Variants in IL1RAPL1 observed in about 807,000 individuals in gnomAD.
The protein encoded by IL1RAPL1 is interleukin-1 receptor accessory protein-like 1.
A neutral mutation model predicts 48.4 loss-of-function variants in IL1RAPL1; 3 were observed. The ratio of observed to expected loss-of-function variants is 0.06; its 90% CI spans 0.03 to 0.16. The LOEUF (loss-of-function observed/expected upper bound fraction) is 0.16, where lower values mean the gene tolerates loss of function less well. Among genes scored for constraint, IL1RAPL1 ranks in the 10% least tolerant of loss-of-function variants. The pLI, the probability that IL1RAPL1 is intolerant of heterozygous loss-of-function variation, is 1.00. For missense variants in IL1RAPL1, 349 were observed against 530.6 expected, an observed-to-expected ratio of 0.66 and a Z score of 3.36; for synonymous variants, 185 against 187.7, an observed-to-expected ratio of 0.99 and a Z score of 0.12.
At chrX:29,803,423 GTA>G (rs1269448933) in intron 6 of IL1RAPL1, among the ~76,000 whole-genome samples, 32 of 91,141 alleles carry the variant, frequency 3.5e-4, no homozygotes, top group African/African-American at 1.2e-3. Context: ...GTGTATATGT[GTA>G]TATATGTATA....
At chrX:29,405,594 C>T (rs1266224577) in intron 5 of IL1RAPL1, among the ~76,000 whole-genome samples, 3 of 105,605 alleles carry the variant, frequency 2.8e-5, no homozygotes, top group Non-Finnish European at 3.8e-5. Flanking sequence ...TCTCGATCTC[C>T]TGACCTCGTG....
In IL1RAPL1 at chrX:28,762,786, G is replaced by GCACACA. The variant is rs759005946; in HGVS notation, c.-24-26501_-24-26496dup. ...TATAAAATCTAATACGCACGCGCGC[G>GCACACA]CACACACACACACACACACACACAC... On this transcript the variant is annotated intron_variant, in intron 1 of 10. Transcript: ENST00000378993. Among the ~76,000 whole-genome samples the GCACACA allele has an allele frequency of 7.7e-3, 484 of 62,854 alleles. 3 individuals are homozygous for GCACACA. The highest frequency in any genetic ancestry group is 0.025 in the African/African-American group (392 of 15,749). The allele number at this position is 62,854 out of a possible 115,157, so 54.6% of individuals were successfully genotyped here. A position where few individuals can be genotyped will look rare whatever the true frequency, so the allele number is the denominator to read the frequency against.
At chrX:28,859,795 A>G (rs1168208971) in intron 2 of IL1RAPL1, among the ~76,000 whole-genome samples, 1 of 108,769 alleles carries the variant, frequency 9.2e-6, no homozygotes, top group Admixed American at 1.0e-4. Context: ...ATTTATTACT[A>G]TTATTGTATA....
chrX:29,363,956 A>G (rs1308132186), intron 3 of IL1RAPL1, among the ~76,000 whole-genome samples: 1 of 111,919 alleles, frequency 8.9e-6, no homozygotes, highest in Admixed American at 9.5e-5. Context: ...TTGAAATAAA[A>G]AGAAATGTCT....
intron 6 of IL1RAPL1, among the ~76,000 whole-genome samples, chrX:29,791,967 G>A (rs1340138348): frequency 9.1e-6 from 1 of 110,024 alleles, no homozygotes; most frequent in Non-Finnish European, 1.9e-5. Context: ...CCTGGCTCAA[G>A]TGATTTGCCC....
At chrX:29,801,801 A>G (rs911329292) in intron 6 of IL1RAPL1, among the ~76,000 whole-genome samples, 2 of 111,444 alleles carry the variant, frequency 1.8e-5, no homozygotes, top group African/African-American at 6.5e-5. Flanking sequence ...GTGTTCCTCA[A>G]AGGTTTTGGA....
intron 5 of IL1RAPL1, among the ~76,000 whole-genome samples, chrX:29,526,450 G>A (rs1002926037): frequency 4.5e-5 from 5 of 111,556 alleles, no homozygotes; most frequent in African/African-American, 1.6e-4. Context: ...ATAAGAACTA[G>A]AAAAGAAGAA....
intron 5 of IL1RAPL1, among the ~76,000 whole-genome samples, chrX:29,546,384 A>C (rs1478518175): frequency 1.8e-5 from 2 of 111,573 alleles, no homozygotes; most frequent in African/African-American, 6.5e-5. Flanking sequence ...TGTCTTTATC[A>C]ATAAATATTT....
At chrX:29,241,837 A>AT (rs762625929) in intron 2 of IL1RAPL1, among the ~76,000 whole-genome samples, 14 of 111,097 alleles carry the variant, frequency 1.3e-4, no homozygotes, top group Non-Finnish European at 2.6e-4. Flanking sequence ...TCTATATAAC[A>AT]TTTTTTTTCC....
At chrX:29,537,242 A>G (rs1921263235) in intron 5 of IL1RAPL1, among the ~76,000 whole-genome samples, 1 of 110,830 alleles carries the variant, frequency 9.0e-6, no homozygotes, top group Non-Finnish European at 1.9e-5. Flanking sequence ...CTTTCATGGC[A>G]CCCTTTCTTA....
At chrX:29,793,313 T>G (rs1294545293) in intron 6 of IL1RAPL1, among the ~76,000 whole-genome samples, 1 of 112,371 alleles carries the variant, frequency 8.9e-6, no homozygotes, top group Non-Finnish European at 1.9e-5. Context: ...TGATTTTCTT[T>G]GTTATATTTC....
rs1171882981 is a variant in IL1RAPL1, at chrX:29,865,636, C to CTTTT, written c.779-51811_779-51808dup. Among the ~76,000 whole-genome samples the CTTTT allele has an allele frequency of 3.4e-3, 262 of 76,306 alleles. 2 individuals are homozygous for CTTTT. Among genetic ancestry groups the CTTTT allele is most frequent in the African/African-American group, 0.011 (210 of 18,361 alleles). 66.3% of individuals were successfully genotyped at this position (76,306 alleles called of 115,157 possible). A position where few individuals can be genotyped will look rare whatever the true frequency, so the allele number is the denominator to read the frequency against. ...ATGTGCTGTTTTTTTCTTTTCTTTT[C>CTTTT]TTTTTTTTTTTTTTTTTTTTGACAG... On this transcript the variant is annotated intron_variant, in intron 6 of 10. Transcript: ENST00000378993.
intron 2 of IL1RAPL1, among the ~76,000 whole-genome samples, chrX:28,842,294 A>G (rs896713741): frequency 1.8e-5 from 2 of 110,915 alleles, no homozygotes; most frequent in Non-Finnish European, 3.8e-5. Flanking sequence ...AAAAAAAAAT[A>G]GTTTTAAAAT....
chrX:29,546,777 A>G (rs777492386), intron 5 of IL1RAPL1, among the ~76,000 whole-genome samples: 127 of 112,141 alleles, frequency 1.1e-3, no homozygotes, highest in African/African-American at 3.9e-3. Flanking sequence ...TTCCATTTCC[A>G]TGAGCCTGAG....
At chrX:29,199,439 G>A (rs201663263) in intron 2 of IL1RAPL1, among the ~76,000 whole-genome samples, 92 of 111,153 alleles carry the variant, frequency 8.3e-4, no homozygotes, top group East Asian at 5.3e-3. Context: ...AAATAATAAA[G>A]TATACTGTAG....
chrX:29,260,457 G>T (rs755877834), intron 2 of IL1RAPL1, among the ~76,000 whole-genome samples: 7 of 112,058 alleles, frequency 6.2e-5, no homozygotes, highest in African/African-American at 2.3e-4. Context: ...AGCTTGTGCT[G>T]GGAAACGCCC....
chrX:29,771,329 G>A (rs1185185058), intron 6 of IL1RAPL1, among the ~76,000 whole-genome samples: 1 of 112,070 alleles, frequency 8.9e-6, no homozygotes, highest in Non-Finnish European at 1.9e-5. Context: ...AGTGAATGAT[G>A]TTTTCTTAAA....
chrX:29,798,260 T>G (rs1489979217), intron 6 of IL1RAPL1, among the ~76,000 whole-genome samples: 1 of 111,983 alleles, frequency 8.9e-6, no homozygotes, highest in Non-Finnish European at 1.9e-5. Flanking sequence ...CTGATGGAGC[T>G]CCAAAGTTTA....
chrX:29,465,788 G>A (rs928930666), intron 5 of IL1RAPL1, among the ~76,000 whole-genome samples: 3 of 111,475 alleles, frequency 2.7e-5, no homozygotes, highest in African/African-American at 9.8e-5. Flanking sequence ...TTAGTGATTT[G>A]GTTCCATTTC....
Sources: gnomAD v4.1 joint callset for allele counts (sites outside exome capture counted in the v4.1 genomes callset) on GRCh38, gnomAD v4.1.1 for gene constraint, MANE v1.5 for transcripts, NCBI Gene and HGNC (gene_info 2026-07-23, HGNC 2026-07-21) for gene names.